The following GPM6B variants were observed in gnomAD, a reference collection of about 807,000 sequenced individuals.
GPM6B encodes the protein neuronal membrane glycoprotein M6-b.
A neutral mutation model predicts 27.2 loss-of-function variants in GPM6B; 4 were observed. The ratio of observed to expected loss-of-function variants is 0.15; its 90% CI spans 0.07 to 0.34. The LOEUF (loss-of-function observed/expected upper bound fraction) is 0.34, where lower values mean the gene tolerates loss of function less well. Ranked by LOEUF, GPM6B falls within the 10% of genes least tolerant of loss-of-function variation. GPM6B has a pLI of 1.00. For synonymous variants in GPM6B, 124 were observed against 103.1 expected (o/e 1.20, Z -1.23); for missense variants, 183 against 261.9 (o/e 0.70, Z 2.08).
chrX:13,805,848 C>A (rs1221409051), intron 2 of GPM6B, among the ~76,000 whole-genome samples: 1 of 111,365 alleles, frequency 9.0e-6, no homozygotes, highest in East Asian at 2.8e-4. Flanking sequence ...AAAATGAAGA[C>A]TCTTAAAGAC....
At chrX:13,810,578 A>G (rs1432731060) in intron 1 of GPM6B, among the ~76,000 whole-genome samples, 1 of 110,738 alleles carries the variant, frequency 9.0e-6, no homozygotes, top group Non-Finnish European at 1.9e-5. Context: ...AGATTCATCC[A>G]TGCTCTGTGC....
chrX:13,807,809 C>A, intron 1 of GPM6B, 40 bp from the exon 2 acceptor site: 1 of 1,132,502 alleles, frequency 8.8e-7, no homozygotes. Flanking sequence ...GTCTCTATCT[C>A]CAGCAAAGAT....
At chrX:13,790,617 C>T (rs1366230516) in intron 2 of GPM6B, among the ~76,000 whole-genome samples, 7 of 111,879 alleles carry the variant, frequency 6.3e-5, no homozygotes, top group Non-Finnish European at 1.3e-4. Context: ...TTCTCTAAGA[C>T]GTGGCCCACT....
intron 3 of GPM6B, chrX:13,783,856 C>T (rs1223233257): frequency 5.6e-6 from 2 of 356,150 alleles, no homozygotes; most frequent in African/African-American, 5.1e-5. Context: ...TTAAGCTCCT[C>T]ATCGGAGGAT....
chrX:13,783,657 C>T, intron 3 of GPM6B, 136 bp from the exon 4 acceptor site: 1 of 551,603 alleles, frequency 1.8e-6, no homozygotes, highest in South Asian at 2.9e-5. Flanking sequence ...CTTTGATGGA[C>T]TTGTGGGGCA....
At chrX:13,879,028 C>G (rs1379487226) in intron 1 of GPM6B, among the ~76,000 whole-genome samples, 1 of 111,987 alleles carries the variant, frequency 8.9e-6, no homozygotes, top group East Asian at 2.8e-4. Context: ...TTCTGACCTC[C>G]AGGACTATAA....
chrX:13,936,078 C>G (rs766703482), intron 1 of GPM6B, among the ~76,000 whole-genome samples: 1 of 111,584 alleles, frequency 9.0e-6, no homozygotes, highest in East Asian at 2.8e-4. Flanking sequence ...TACAAGATTT[C>G]TTTTTGGGGT....
chrX:13,839,235 T>A (rs1044701336), intron 1 of GPM6B, among the ~76,000 whole-genome samples: 3 of 111,740 alleles, frequency 2.7e-5, no homozygotes, highest in African/African-American at 9.8e-5. Context: ...TTCAACCAAC[T>A]GCCAATCAGG....
chrX:13,833,985 T>A (rs770201631), intron 1 of GPM6B, among the ~76,000 whole-genome samples: 1 of 112,682 alleles, frequency 8.9e-6, no homozygotes, highest in Non-Finnish European at 1.9e-5. Flanking sequence ...ACACAGACAT[T>A]TAAGATGAAG....
Position 13,817,036 on chromosome X carries a change from AC to A in GPM6B, c.-133del. On this transcript the variant is annotated 5_prime_UTR_variant, in exon 1 of 8. Transcript: ENST00000316715. ...TGATTGAGAGGCTCTGTTCTTCACT[AC>A]AGTAGATTACAGTCCCTTCCAAGAT... is the stretch of plus-strand genomic sequence containing the variant. 1 of 1,079,494 alleles carries A rather than the reference AC, an allele frequency of 9.3e-7. No homozygotes were observed. The highest frequency in any genetic ancestry group is 1.2e-6 in the Non-Finnish European group (1 of 832,847). 89.0% of individuals were successfully genotyped at this position (1,079,494 alleles called of 1,213,427 possible).
At chrX:13,886,101 T>A (rs2050132554) in intron 1 of GPM6B, among the ~76,000 whole-genome samples, 1 of 112,421 alleles carries the variant, frequency 8.9e-6, no homozygotes, top group Non-Finnish European at 1.9e-5. Flanking sequence ...TTTCTCCTGA[T>A]TCTACAACAC....
At chrX:13,773,953 CTTTTTTTTTTTTTTT>C (rs772367299) in intron 7 of GPM6B, 8 of 436,332 alleles carry the variant, frequency 1.8e-5, no homozygotes, top group Admixed American at 2.5e-4. Flanking sequence ...CATATAAATC[CTTTTTTTTTTTTTTT>C]TTTTTTTTTT....
At chrX:13,829,550 G>A (rs2049414640) in intron 1 of GPM6B, among the ~76,000 whole-genome samples, 1 of 111,233 alleles carries the variant, frequency 9.0e-6, no homozygotes, top group African/African-American at 3.3e-5. Context: ...ACCCTGAAAA[G>A]TTCATTTCTG....
chrX:13,856,435 A>G (rs1028328575), intron 1 of GPM6B, among the ~76,000 whole-genome samples: 1 of 111,995 alleles, frequency 8.9e-6, no homozygotes, highest in African/African-American at 3.2e-5. Context: ...CTTCATGACC[A>G]TCCTCAGACC....
chrX:13,796,166 C>T (rs777392722), intron 2 of GPM6B, among the ~76,000 whole-genome samples: 49 of 111,535 alleles, frequency 4.4e-4, no homozygotes, highest in Non-Finnish European at 7.9e-4. Context: ...CTCAGGTGAT[C>T]CGCCCACCTC....
At chrX:13,837,217 C>A (rs192241278) in intron 1 of GPM6B, among the ~76,000 whole-genome samples, 1 of 57,598 alleles carries the variant, frequency 1.7e-5, no homozygotes, top group South Asian at 8.4e-4. Context: ...CCTTCAATCA[C>A]AACCTTGATA....
chrX:13,786,320 G>A (rs1040838677), intron 2 of GPM6B, among the ~76,000 whole-genome samples: 2 of 112,036 alleles, frequency 1.8e-5, no homozygotes, highest in African/African-American at 6.5e-5. Flanking sequence ...CTGGACCTCC[G>A]GGGCAACTGG....
At chrX:13,865,713 T>C (rs2049908882) in intron 1 of GPM6B, among the ~76,000 whole-genome samples, 1 of 107,244 alleles carries the variant, frequency 9.3e-6, no homozygotes, top group Non-Finnish European at 1.9e-5. Flanking sequence ...GCTGAGATTG[T>C]ACCACTGCTC....
chrX:13,776,098 T>C, intron 7 of GPM6B, 140 bp downstream of exon 7: 1 of 516,148 alleles, frequency 1.9e-6, no homozygotes, highest in Non-Finnish European at 3.5e-6. Flanking sequence ...ATGTGGTAAG[T>C]TAACACAGGC....
Sources: gnomAD v4.1 joint callset for allele counts (sites outside exome capture counted in the v4.1 genomes callset) on GRCh38, gnomAD v4.1.1 for gene constraint, MANE v1.5 for transcripts, NCBI Gene and HGNC (gene_info 2026-07-23, HGNC 2026-07-21) for gene names.